Variants in KCNK12 observed in about 807,000 individuals in gnomAD.
KCNK12 encodes potassium two pore domain channel subfamily K member 12, also known as potassium channel subfamily K member 12.
Under a neutral mutation model 25.3 loss-of-function variants are expected in KCNK12, and 6 were observed. That is an observed-to-expected ratio of 0.24 (90% CI 0.13 to 0.47). KCNK12 has a LOEUF of 0.47. Among genes scored for constraint, KCNK12 ranks in the 20% least tolerant of loss-of-function variants. The pLI, the probability that KCNK12 is intolerant of heterozygous loss-of-function variation, is 0.99. For synonymous variants in KCNK12, 331 were observed against 311.1 expected (o/e 1.06, Z -0.67); for missense variants, 444 against 661.7 (o/e 0.67, Z 3.61).
chr2:47,535,218 T>G (rs764848376), intron 1 of KCNK12: 3 of 232,848 alleles, frequency 1.3e-5, no homozygotes, highest in Non-Finnish European at 2.5e-5. Context: ...AACCCACACC[T>G]TTCAGCTGCA....
intron 1 of KCNK12, among the ~76,000 whole-genome samples, chr2:47,526,313 G>A: frequency 6.6e-6 from 1 of 151,418 alleles, no homozygotes; most frequent in African/African-American, 2.4e-5. Context: ...GGCTGAGGCA[G>A]GAGAATGCCG....
chr2:47,535,478 G>T (rs1050470572), intron 1 of KCNK12, among the ~76,000 whole-genome samples: 6 of 152,140 alleles, frequency 3.9e-5, no homozygotes, highest in African/African-American at 1.2e-4. Context: ...CCTCTAATGG[G>T]GGTGGGGCTG....
At chr2:47,523,042 G>A (rs1270853726) in intron 1 of KCNK12, among the ~76,000 whole-genome samples, 1 of 152,144 alleles carries the variant, frequency 6.6e-6, no homozygotes, top group Non-Finnish European at 1.5e-5. Flanking sequence ...CTTTCCTCAA[G>A]TTATTTGGAA....
Position 47,569,572 on chromosome 2 carries a change from C to G in KCNK12, c.391+369G>C, listed in dbSNP as rs1160175006. Reference sequence around the variant, plus strand: ...TGGAGGGAGAAGGGGCTTTTGAGATCATCCTGGAGAGGAAACTGAGGCCTG... The same window carrying G: ...TGGAGGGAGAAGGGGCTTTTGAGATGATCCTGGAGAGGAAACTGAGGCCTG... On this transcript the variant is annotated intron_variant, in intron 1 of 1. Transcript: ENST00000327876. The surrounding 1 kb of genome is among the most constrained non-coding windows in gnomAD (Gnocchi z 4.1). 6.6e-6 allele frequency among the ~76,000 whole-genome samples: 1 copy of G among 152,112 alleles called. No individual in the cohort carries two copies. The highest frequency in any genetic ancestry group is 1.5e-5 in the Non-Finnish European group (1 of 68,014).
chr2:47,522,612 C>A lies in KCNK12; in HGVS notation c.392-804G>T, dbSNP rs75049996. On this transcript the variant is annotated intron_variant, in intron 1 of 1. Transcript: ENST00000327876. The stretch of plus-strand genomic sequence containing the variant: ...CACCTCAGCCTCCCAAGTGATAGGA[C>A]TGCAGGTGTATGCCACCATGTCCAG... Among the ~76,000 whole-genome samples the A allele has an allele frequency of 9.6e-3, 1,463 of 152,320 alleles. 25 individuals are homozygous for A. The highest frequency in any genetic ancestry group is 0.033 in the African/African-American group (1,377 of 41,562).
intron 1 of KCNK12, among the ~76,000 whole-genome samples, chr2:47,550,766 A>G (rs1669412829): frequency 6.6e-6 from 1 of 152,132 alleles, no homozygotes; most frequent in African/African-American, 2.4e-5. Context: ...CAATGAAAAA[A>G]ACCCCACACT....
At chr2:47,554,764 T>C (rs887006999) in intron 1 of KCNK12, among the ~76,000 whole-genome samples, 21 of 152,248 alleles carry the variant, frequency 1.4e-4, no homozygotes, top group Non-Finnish European at 1.3e-4. Flanking sequence ...TCAAGGAGCA[T>C]AGAGAAAGCT....
chr2:47,532,022 G>C (rs1193573740), intron 1 of KCNK12, among the ~76,000 whole-genome samples: 2 of 151,900 alleles, frequency 1.3e-5, no homozygotes, highest in African/African-American at 4.8e-5. Context: ...ACTCCAGCCT[G>C]GGTGACAAAG....
At chr2:47,534,244 GCTTTATCTCTGGGAT>G (rs1558552877) in intron 1 of KCNK12, among the ~76,000 whole-genome samples, 9 of 151,920 alleles carry the variant, frequency 5.9e-5, no homozygotes, top group Non-Finnish European at 8.8e-5. Context: ...CCCACTCTGT[GCTTTATCTCTGGGAT>G]TAAGGTTTTC....
chr2:47,562,301 A>G lies in KCNK12; in HGVS notation c.391+7640T>C, dbSNP rs1171143683. On this transcript the variant is annotated intron_variant, in intron 1 of 1. Transcript: ENST00000327876. The surrounding 1 kb of genome is among the most constrained non-coding windows in gnomAD (Gnocchi z 4.8). The stretch of plus-strand genomic sequence containing the variant: ...TGTTGAGTATAAAGACACTGTGAAC[A>G]TTGTAAAATCTGCAATTACAAGATT... The G allele has an allele frequency of 1.8e-5, 7 of 394,178 alleles. No individual in the cohort carries two copies. The highest frequency in any genetic ancestry group is 4.4e-5 in the Admixed American group (1 of 22,598). 24.4% of individuals were successfully genotyped at this position (394,178 alleles called of 1,614,324 possible).
intron 1 of KCNK12, among the ~76,000 whole-genome samples, chr2:47,535,498 G>A (rs1413305389): frequency 6.6e-6 from 1 of 152,150 alleles, no homozygotes; most frequent in Non-Finnish European, 1.5e-5. Flanking sequence ...GGAGCTAATG[G>A]CACATTCCAC....
In KCNK12 at chr2:47,517,483, GA is replaced by G. The variant is rs1668553679; in HGVS notation, c.*3423del. The G allele has an allele frequency of 6.6e-6, 1 of 152,192 alleles. No homozygotes were observed. Among genetic ancestry groups the G allele is most frequent in the African/African-American group, 2.4e-5 (1 of 41,424 alleles). 9.4% of individuals were successfully genotyped at this position (152,192 alleles called of 1,614,324 possible). On this transcript the variant is annotated 3_prime_UTR_variant, in exon 2 of 2. Coordinates refer to ENST00000327876, the MANE Select transcript of KCNK12 (RefSeq NM_022055.2). The surrounding 1 kb of genome is among the most constrained non-coding windows in gnomAD (Gnocchi z 4.1). ...TTCCAGGCCCTGGTACATCTCTAGA[GA>G]GTTAAAAATGGGAAATCTTTCTTCT...
rs1419098572 is a variant in KCNK12, at chr2:47,557,752, T to G, written c.391+12189A>C. Among the ~76,000 whole-genome samples, 1 of 152,200 alleles carries G rather than the reference T, an allele frequency of 6.6e-6. No homozygotes were observed. The highest frequency in any genetic ancestry group is 1.5e-5 in the Non-Finnish European group (1 of 68,034). Reference sequence around the variant, plus strand: ...AACAACTCCAATCAGTACAGGTGTATGACCCACTTCAGCTCTTGTTATATA... The same window carrying G: ...AACAACTCCAATCAGTACAGGTGTAGGACCCACTTCAGCTCTTGTTATATA... On this transcript the variant is annotated intron_variant, in intron 1 of 1. Transcript: ENST00000327876. This position sits in a 1 kb window ranked among gnomAD's most constrained non-coding sequence, Gnocchi z 4.9.
intron 1 of KCNK12, among the ~76,000 whole-genome samples, chr2:47,546,285 T>C (rs1008944595): frequency 2.6e-5 from 4 of 152,234 alleles, no homozygotes; most frequent in Non-Finnish European, 5.9e-5. Flanking sequence ...TAAATGGTTT[T>C]CTGATGAAGA....
At position 47,557,906 on chromosome 2, in the gene KCNK12, G is replaced by C. The variant is rs543107595; in HGVS notation, c.391+12035C>G. ...AAGGTGGACTTCATGCAGCTGCTGGGTTCCTGACATTGGTTACAAGTTACA... is the reference window on the plus strand; with the variant it reads ...AAGGTGGACTTCATGCAGCTGCTGGCTTCCTGACATTGGTTACAAGTTACA... On this transcript the variant is annotated intron_variant, in intron 1 of 1. Coordinates refer to ENST00000327876, the MANE Select transcript of KCNK12 (RefSeq NM_022055.2). The surrounding 1 kb of genome is among the most constrained non-coding windows in gnomAD (Gnocchi z 4.9). 2.4e-4 allele frequency among the ~76,000 whole-genome samples: 36 copies of C among 152,300 alleles called. No individual in the cohort carries two copies. Among genetic ancestry groups the C allele is most frequent in the African/African-American group, 8.4e-4 (35 of 41,564 alleles).
At position 47,520,853 on chromosome 2, in the gene KCNK12, C is replaced by CGCCCGGCG. The variant is rs1263094820; in HGVS notation, c.*46_*53dup. On this transcript the variant is annotated 3_prime_UTR_variant, in exon 2 of 2. Transcript: ENST00000327876. This position sits in a 1 kb window ranked among gnomAD's most constrained non-coding sequence, Gnocchi z 5.0. ...AGCAGTGACTGAGAGAAGCAAACCA[C>CGCCCGGCG]GCCCGGCGGCCCCGCGGCCTGGAGA... 2.6e-6 allele frequency: 3 copies of CGCCCGGCG among 1,173,246 alleles called. No homozygotes were observed. Among genetic ancestry groups the CGCCCGGCG allele is most frequent in the East Asian group, 3.2e-5 (1 of 31,382 alleles). 72.7% of individuals were successfully genotyped at this position (1,173,246 alleles called of 1,614,324 possible). A position where few individuals can be genotyped will look rare whatever the true frequency, so the allele number is the denominator to read the frequency against.
chr2:47,528,204 TCTCCGACAGCG>T lies in KCNK12; in HGVS notation c.392-6407_392-6397del, dbSNP rs1668831267. ...TGAAGGGACAGGTGAGGCAGAAGGG[TCTCCGACAGCG>T]CACAGGGCAACCAGTGAAAGCGTCC... On this transcript the variant is annotated intron_variant, in intron 1 of 1. Transcript: ENST00000327876. This position sits in a 1 kb window ranked among gnomAD's most constrained non-coding sequence, Gnocchi z 4.5. 6.6e-6 allele frequency: 1 copy of T among 152,140 alleles called. No individual in the cohort carries two copies. The highest frequency in any genetic ancestry group is 2.1e-4 in the South Asian group (1 of 4,824). The allele number at this position is 152,140 out of a possible 1,614,324, so 9.4% of individuals were successfully genotyped here. A position where few individuals can be genotyped will look rare whatever the true frequency, so the allele number is the denominator to read the frequency against.
At chr2:47,563,673 C>G (rs564918917) in intron 1 of KCNK12, 78 of 233,204 alleles carry the variant, frequency 3.3e-4, no homozygotes, top group Admixed American at 8.4e-4. Flanking sequence ...ACTCCAGCCC[C>G]CACCCCTAAT....
intron 1 of KCNK12, among the ~76,000 whole-genome samples, chr2:47,554,353 A>C (rs190933142): frequency 3.3e-5 from 5 of 152,340 alleles, no homozygotes; most frequent in Non-Finnish European, 4.4e-5. Flanking sequence ...AGGGACAGTG[A>C]CTAGGGGTTA....
Sources: gnomAD v4.1 joint callset for allele counts (sites outside exome capture counted in the v4.1 genomes callset) on GRCh38, gnomAD v4.1.1 for gene constraint, Gnocchi (gnomAD v3.1) non-coding constraint, MANE v1.5 for transcripts, NCBI Gene and HGNC (gene_info 2026-07-23, HGNC 2026-07-21) for gene names.